Variants in DHRS7B observed in about 807,000 individuals in gnomAD.
DHRS7B encodes dehydrogenase/reductase 7B.
DHRS7B carries 24 observed loss-of-function variants against 26.4 expected under a neutral mutation model. The ratio of observed to expected loss-of-function variants is 0.91; its 90% CI spans 0.66 to 1.28. The LOEUF (loss-of-function observed/expected upper bound fraction) is 1.28, where lower values mean the gene tolerates loss of function less well. DHRS7B is among the 50% of genes most tolerant of loss of function. DHRS7B has a pLI of 0.00. For missense variants in DHRS7B, 368 were observed against 419.4 expected (o/e 0.88, Z 1.07); for synonymous variants, 142 against 166.4 (o/e 0.85, Z 1.13).
chr17:21,166,824 TTG>T (rs987585381), intron 1 of DHRS7B, among the ~76,000 whole-genome samples: 2 of 152,202 alleles, frequency 1.3e-5, no homozygotes, highest in African/African-American at 4.8e-5. Context: ...CCTGATTTTC[TTG>T]TGTGTAACAT....
At chr17:21,136,607 AGTGGCCC>A (rs1389699144) in intron 1 of DHRS7B, among the ~76,000 whole-genome samples, 1 of 152,020 alleles carries the variant, frequency 6.6e-6, no homozygotes, top group Non-Finnish European at 1.5e-5. Flanking sequence ...ACTGAAGTGC[AGTGGCCC>A]GACCTTGGCT....
chr17:21,168,748 A>G, intron 1 of DHRS7B: 1 of 985,408 alleles, frequency 1.0e-6, no homozygotes. Flanking sequence ...CGCTCTCCCC[A>G]CAGACAGCGG....
At chr17:21,188,559 G>T (rs530503837) in intron 5 of DHRS7B, 152 bp from the exon 6 acceptor site, 1 of 874,544 alleles carries the variant, frequency 1.1e-6, no homozygotes, top group Non-Finnish European at 1.7e-6. Flanking sequence ...TTGAGCTCAG[G>T]AGCTGGAGTC....
intron 2 of DHRS7B, among the ~76,000 whole-genome samples, chr17:21,175,229 G>A (rs1328013336): frequency 2.0e-5 from 3 of 152,172 alleles, no homozygotes; most frequent in Non-Finnish European, 2.9e-5. Flanking sequence ...GACCTCTCAG[G>A]ACCCCTGGTG....
chr17:21,153,598 A>C (rs911425664), intron 1 of DHRS7B, among the ~76,000 whole-genome samples: 10 of 152,214 alleles, frequency 6.6e-5, no homozygotes, highest in Admixed American at 5.9e-4. Flanking sequence ...TTTATAAAAA[A>C]ACAGAAATGT....
intron 1 of DHRS7B, among the ~76,000 whole-genome samples, chr17:21,155,706 C>G (rs1032163439): frequency 5.3e-5 from 8 of 152,270 alleles, no homozygotes; most frequent in Non-Finnish European, 1.2e-4. Flanking sequence ...TTCACTTAGA[C>G]CACATTCTAG....
rs114023699 is a variant in DHRS7B at position 21,133,642 on chromosome 17, A to C, written c.20+6651A>C. Among the ~76,000 whole-genome samples, 1,452 of 152,290 alleles carry C rather than the reference A, an allele frequency of 9.5e-3. 32 individuals are homozygous for C. Among genetic ancestry groups the C allele is most frequent in the African/African-American group, 0.033 (1,370 of 41,546 alleles). On this transcript the variant is annotated intron_variant, in intron 1 of 6. Coordinates refer to ENST00000395511, the MANE Select transcript of DHRS7B (RefSeq NM_015510.5). ...ACATTTCCCCACTTTTCTTTTTTAA[A>C]ATCATTTGGAGAAAGCATTTTAGAA... is the stretch of plus-strand genomic sequence containing the variant.
At position 21,191,321 on chromosome 17, in the gene DHRS7B, G is replaced by A. The variant is rs766556569; in HGVS notation, c.*168G>A. ...CTGCTGGCAGAGGACAATCAAAAACGACAACAAGCTTCTTCCCAGGGTGAG... is the reference window on the plus strand; with the variant it reads ...CTGCTGGCAGAGGACAATCAAAAACAACAACAAGCTTCTTCCCAGGGTGAG... On this transcript the variant is annotated 3_prime_UTR_variant, in exon 7 of 7. Coordinates refer to ENST00000395511, the MANE Select transcript of DHRS7B (RefSeq NM_015510.5). 1 of 674,650 alleles carries A rather than the reference G, an allele frequency of 1.5e-6. No individual in the cohort carries two copies. The highest frequency in any genetic ancestry group is 2.5e-6 in the Non-Finnish European group (1 of 403,234). 41.8% of individuals were successfully genotyped at this position (674,650 alleles called of 1,614,324 possible).
intron 1 of DHRS7B, among the ~76,000 whole-genome samples, chr17:21,158,957 CAA>C (rs201773440): frequency 7.8e-4 from 85 of 108,394 alleles, no homozygotes; most frequent in Admixed American, 8.8e-4. Context: ...TATCTGCATG[CAA>C]AAAAAAAAAA....
At chr17:21,181,048 T>G (rs1363917135) in intron 3 of DHRS7B, among the ~76,000 whole-genome samples, 11 of 152,228 alleles carry the variant, frequency 7.2e-5, no homozygotes, top group Non-Finnish European at 1.5e-4. Flanking sequence ...TGTTTTATGC[T>G]GCTGTAACAA....
At chr17:21,167,187 C>G (rs1974133238) in intron 1 of DHRS7B, among the ~76,000 whole-genome samples, 2 of 152,036 alleles carry the variant, frequency 1.3e-5, no homozygotes, top group African/African-American at 4.8e-5. Context: ...TTCCAGAAGC[C>G]CTTTAAAGGG....
chr17:21,170,442 AC>A (rs1974214399), intron 1 of DHRS7B, among the ~76,000 whole-genome samples: 1 of 152,160 alleles, frequency 6.6e-6, no homozygotes, highest in South Asian at 2.1e-4. Flanking sequence ...TGCTTTAGAT[AC>A]CACCTTAATC....
rs375398407 is a variant in DHRS7B, at chr17:21,141,738, CA to C, written c.20+14758del. On this transcript the variant is annotated intron_variant, in intron 1 of 6. Coordinates refer to ENST00000395511, the MANE Select transcript of DHRS7B (RefSeq NM_015510.5). ...CTTGTGCTGGAAGCAGGTAAAACTC[CA>C]AAAAAAAAAAGAGGAGTTATACAGC... 5.1e-3 allele frequency among the ~76,000 whole-genome samples: 703 copies of C among 138,368 alleles called. 5 individuals are homozygous for C. The highest frequency in any genetic ancestry group is 0.016 in the African/African-American group (623 of 38,446). 90.8% of individuals were successfully genotyped at this position (138,368 alleles called of 152,430 possible).
intron 1 of DHRS7B, among the ~76,000 whole-genome samples, chr17:21,156,136 T>G (rs1440261134): frequency 6.6e-6 from 1 of 152,114 alleles, no homozygotes; most frequent in East Asian, 1.9e-4. Context: ...AAATTGAGAA[T>G]AGGAAATCAG....
intron 1 of DHRS7B, among the ~76,000 whole-genome samples, chr17:21,140,417 T>C (rs1451632626): frequency 2.0e-5 from 3 of 149,464 alleles, no homozygotes; most frequent in African/African-American, 7.4e-5. Context: ...AATAGCAAAG[T>C]TTACATTATA....
chr17:21,140,517 CACACACACACACACACACACA>C (rs1973477505), intron 1 of DHRS7B, among the ~76,000 whole-genome samples: 1 of 150,128 alleles, frequency 6.7e-6, no homozygotes, highest in African/African-American at 2.5e-5. Context: ...CACACACACA[CACACACACACACACACACACA>C]CCCTGACACC....
chr17:21,154,206 AG>A (rs1422024822), intron 1 of DHRS7B, among the ~76,000 whole-genome samples: 3 of 152,026 alleles, frequency 2.0e-5, no homozygotes, highest in Admixed American at 6.6e-5. Flanking sequence ...GCTACTCTGG[AG>A]GCTGAGGCAG....
chr17:21,129,559 T>C (rs1238835576), intron 1 of DHRS7B, among the ~76,000 whole-genome samples: 1 of 151,398 alleles, frequency 6.6e-6, no homozygotes, highest in Non-Finnish European at 1.5e-5. Context: ...TAAAAAATTA[T>C]CTAGGCGTGC....
intron 1 of DHRS7B, among the ~76,000 whole-genome samples, chr17:21,160,802 C>A (rs552162088): frequency 2.2e-4 from 34 of 152,040 alleles, no homozygotes; most frequent in African/African-American, 8.2e-4. Flanking sequence ...TCATAATTGC[C>A]GAAACTTCGA....
Sources: gnomAD v4.1 joint callset for allele counts (sites outside exome capture counted in the v4.1 genomes callset) on GRCh38, gnomAD v4.1.1 for gene constraint, MANE v1.5 for transcripts, NCBI Gene and HGNC (gene_info 2026-07-23, HGNC 2026-07-21) for gene names.